The following EFNA2 variants were observed in gnomAD, a reference collection of about 807,000 sequenced individuals.
The protein encoded by EFNA2 is ephrin-A2.
A neutral mutation model predicts 19.7 loss-of-function variants in EFNA2; 18 were observed. That is an observed-to-expected ratio of 0.91 (90% CI 0.63 to 1.35). The LOEUF (loss-of-function observed/expected upper bound fraction) is 1.35, where lower values mean the gene tolerates loss of function less well. EFNA2 is among the 40% of genes most tolerant of loss of function. The probability of loss-of-function intolerance (pLI) is 0.00; values close to 1 mark genes in which losing one functional copy is unlikely to be tolerated. For synonymous variants in EFNA2, 187 were observed against 137.8 expected (o/e 1.36, Z -2.50); for missense variants, 303 against 296.0 (o/e 1.02, Z -0.17).
In EFNA2 at chr19:1,292,336, C is replaced by T. The variant is rs576647677; in HGVS notation, c.141-3209C>T. 4.6e-5 allele frequency among the ~76,000 whole-genome samples: 7 copies of T among 152,368 alleles called. No homozygotes were observed. The South Asian group carries it at 1.0e-3, about 23-fold the overall frequency. ...GGTGGGGGTTCCCCTGGGACCTGCC[C>T]TCCAACACACACACCTGTGGGCTGC... On this transcript the variant is annotated intron_variant, in intron 1 of 3. Coordinates refer to ENST00000215368, the MANE Select transcript of EFNA2 (RefSeq NM_001405.4).
intron 1 of EFNA2, among the ~76,000 whole-genome samples, chr19:1,292,933 C>T (rs920302228): frequency 6.6e-6 from 1 of 152,154 alleles, no homozygotes; most frequent in Non-Finnish European, 1.5e-5. Flanking sequence ...TGGTGTCAGA[C>T]GTGGGGGAAG....
intron 1 of EFNA2, among the ~76,000 whole-genome samples, chr19:1,292,666 C>T (rs946745907): frequency 6.6e-5 from 10 of 152,030 alleles, no homozygotes; most frequent in African/African-American, 1.9e-4. Flanking sequence ...ATGAGGAGGG[C>T]GCAGTGGATG....
rs1051354305 is a variant in EFNA2 at position 1,296,690 on chromosome 19, C to T, written c.454+832C>T. On this transcript the variant is annotated intron_variant, in intron 2 of 3. Coordinates refer to ENST00000215368, the MANE Select transcript of EFNA2 (RefSeq NM_001405.4). The surrounding 1 kb of genome is among the most constrained non-coding windows in gnomAD (Gnocchi z 4.4). ...CCCCACAGGGCCCCTGCCGCACCAG[C>T]CGCACCCAGACTGGGTAGGGGTCTC... Among the ~76,000 whole-genome samples the T allele has an allele frequency of 3.3e-5, 5 of 152,198 alleles. No homozygotes were observed. The highest frequency in any genetic ancestry group is 5.9e-5 in the Non-Finnish European group (4 of 68,040).
At chr19:1,291,206 C>A (rs1225685790) in intron 1 of EFNA2, among the ~76,000 whole-genome samples, 1 of 152,202 alleles carries the variant, frequency 6.6e-6, no homozygotes, top group Non-Finnish European at 1.5e-5. Flanking sequence ...ACCAGGGCCA[C>A]CCACGCCCAC....
At position 1,298,614 on chromosome 19, in the gene EFNA2, C is replaced by T. The variant is rs369054250; in HGVS notation, c.518C>T (p.Thr173Ile). 2 of 1,613,840 alleles carry T rather than the reference C, an allele frequency of 1.2e-6. No individual in the cohort carries two copies. The highest frequency in any genetic ancestry group is 2.2e-5 in the East Asian group (1 of 44,870). The change falls in exon 3 of 4, where the codon ACC (threonine) becomes ATC (isoleucine). Residue 173 changes from threonine (T) to isoleucine (I), a missense_variant and splice_region_variant. Physicochemically the swap from Thr to Ile is moderately conservative, Grantham distance 89. Transcript: ENST00000215368. ...CGACTGAAGGTGTACGTGCGGCCGA[C>T]CAGTAAGTGCTCAGGGGGATGGGCA... ...CLRLKVYVRP[T>I]NETLYEAPEP...
In EFNA2 at chr19:1,300,189, GTGGCCAGGCCATCTCCTC is replaced by G. The variant is rs1246266568; in HGVS notation, c.*248_*265del. 1 of 397,916 alleles carries G rather than the reference GTGGCCAGGCCATCTCCTC, an allele frequency of 2.5e-6. No homozygotes were observed. The allele number at this position is 397,916 out of a possible 1,614,324, so 24.6% of individuals were successfully genotyped here. A position where few individuals can be genotyped will look rare whatever the true frequency, so the allele number is the denominator to read the frequency against. On this transcript the variant is annotated 3_prime_UTR_variant, in exon 4 of 4. Transcript: ENST00000215368. ...AGGGGCCGGGGTGTGGATGCGGACC[GTGGCCAGGCCATCTCCTC>G]TGGGGCGTCGGAGAACCCGGGAACC...
chr19:1,294,814 C>T lies in EFNA2; in HGVS notation c.141-731C>T, dbSNP rs1418956995. On this transcript the variant is annotated intron_variant, in intron 1 of 3. Coordinates refer to ENST00000215368, the MANE Select transcript of EFNA2 (RefSeq NM_001405.4). This position sits in a 1 kb window ranked among gnomAD's most constrained non-coding sequence, Gnocchi z 5.8. ...CGAGCTGGAATGCCCGACCTGTGTC[C>T]CCCACGCTGCCCCGGTCCTTCTCAA... Among the ~76,000 whole-genome samples the T allele has an allele frequency of 6.6e-6, 1 of 151,392 alleles. No individual in the cohort carries two copies. Among genetic ancestry groups the T allele is most frequent in the African/African-American group, 2.4e-5 (1 of 41,168 alleles).
At chr19:1,299,731 G>C in intron 3 of EFNA2, 93 bp from the exon 4 acceptor site, 6 of 1,456,962 alleles carry the variant, frequency 4.1e-6, no homozygotes, top group Non-Finnish European at 9.1e-7. Context: ...TGATGAGCCC[G>C]TTGGGCAGAT....
rs1036527214 is a variant in EFNA2 at position 1,295,260 on chromosome 19, C to T, written c.141-285C>T. Among the ~76,000 whole-genome samples the T allele has an allele frequency of 1.4e-4, 22 of 152,110 alleles. No homozygotes were observed. Among genetic ancestry groups the T allele is most frequent in the African/African-American group, 4.3e-4 (18 of 41,398 alleles). On this transcript the variant is annotated intron_variant, in intron 1 of 3. Coordinates refer to ENST00000215368, the MANE Select transcript of EFNA2 (RefSeq NM_001405.4). This position sits in a 1 kb window ranked among gnomAD's most constrained non-coding sequence, Gnocchi z 5.8. The stretch of plus-strand genomic sequence containing the variant: ...GGCCTGACTTCCCCGTGCACCTGTC[C>T]CCTGACCCGTCCCTCCCCGCTCACC...
chr19:1,295,438 C>G lies in EFNA2; in HGVS notation c.141-107C>G. On this transcript the variant is annotated intron_variant, in intron 1 of 3. Coordinates refer to ENST00000215368, the MANE Select transcript of EFNA2 (RefSeq NM_001405.4). This position sits in a 1 kb window ranked among gnomAD's most constrained non-coding sequence, Gnocchi z 5.8. ...CCCCGGCCCTCGCCGCGCACCCCGA[C>G]CCGTCCCTCGTGCTCCTGTCCCCTG... 8.3e-7 allele frequency: 1 copy of G among 1,207,682 alleles called. No individual in the cohort carries two copies. Among genetic ancestry groups the G allele is most frequent in the Non-Finnish European group, 1.1e-6 (1 of 907,252 alleles). The allele number at this position is 1,207,682 out of a possible 1,614,324, so 74.8% of individuals were successfully genotyped here.
rs1012720925 is a variant in EFNA2 at position 1,294,268 on chromosome 19, G to A, written c.141-1277G>A. Among the ~76,000 whole-genome samples, 1 of 152,216 alleles carries A rather than the reference G, an allele frequency of 6.6e-6. No individual in the cohort carries two copies. Among genetic ancestry groups the A allele is most frequent in the African/African-American group, 2.4e-5 (1 of 41,450 alleles). The stretch of plus-strand genomic sequence containing the variant: ...CGCCGGTTACATGACAGGGGCCCTG[G>A]GGACCACAGCCGGGAGATCTAAGGG... On this transcript the variant is annotated intron_variant, in intron 1 of 3. Coordinates refer to ENST00000215368, the MANE Select transcript of EFNA2 (RefSeq NM_001405.4). The surrounding 1 kb of genome is among the most constrained non-coding windows in gnomAD (Gnocchi z 5.8).
At position 1,295,907 on chromosome 19, in the gene EFNA2, C is replaced by CG. The variant is rs747246910; in HGVS notation, c.454+54dup. ...GCCGGGGCCCGAGTGGGCGGGGACG[C>CG]GGGGGCGGGGCCAGGAAGTGGGCGG... is the stretch of plus-strand genomic sequence containing the variant. On this transcript the variant is annotated intron_variant, in intron 2 of 3. Coordinates refer to ENST00000215368, the MANE Select transcript of EFNA2 (RefSeq NM_001405.4). This position sits in a 1 kb window ranked among gnomAD's most constrained non-coding sequence, Gnocchi z 5.8. 34 of 422,444 alleles carry CG rather than the reference C, an allele frequency of 8.0e-5. No homozygotes were observed. Among genetic ancestry groups the CG allele is most frequent in the Middle Eastern group, 9.0e-4 (1 of 1,116 alleles). 26.2% of individuals were successfully genotyped at this position (422,444 alleles called of 1,614,324 possible).
intron 1 of EFNA2, among the ~76,000 whole-genome samples, chr19:1,290,510 C>CG (rs1452477700): frequency 6.6e-6 from 1 of 152,120 alleles, no homozygotes; most frequent in Non-Finnish European, 1.5e-5. Flanking sequence ...GTGGGTCCCT[C>CG]GGGGTCACGG....
rs2081522592 is a variant in EFNA2, at chr19:1,297,814, G to A, written c.455-737G>A. On this transcript the variant is annotated intron_variant, in intron 2 of 3. Coordinates refer to ENST00000215368, the MANE Select transcript of EFNA2 (RefSeq NM_001405.4). This position sits in a 1 kb window ranked among gnomAD's most constrained non-coding sequence, Gnocchi z 5.0. ...CCAGGCGTGGCGGTGGCTCACGCCT[G>A]TAATCCCAGCACTTTGGGAGGCCGA... 6.6e-6 allele frequency among the ~76,000 whole-genome samples: 1 copy of A among 152,114 alleles called. No individual in the cohort carries two copies. The highest frequency in any genetic ancestry group is 1.5e-5 in the Non-Finnish European group (1 of 68,026).
chr19:1,295,884 C>G lies in EFNA2; in HGVS notation c.454+26C>G, dbSNP rs201782617. 2 of 1,250,342 alleles carry G rather than the reference C, an allele frequency of 1.6e-6. No individual in the cohort carries two copies. Among genetic ancestry groups the G allele is most frequent in the Non-Finnish European group, 2.1e-6 (2 of 970,268 alleles). 77.5% of individuals were successfully genotyped at this position (1,250,342 alleles called of 1,614,324 possible). A position where few individuals can be genotyped will look rare whatever the true frequency, so the allele number is the denominator to read the frequency against. On this transcript the variant is annotated intron_variant, in intron 2 of 3. Coordinates refer to ENST00000215368, the MANE Select transcript of EFNA2 (RefSeq NM_001405.4). This position sits in a 1 kb window ranked among gnomAD's most constrained non-coding sequence, Gnocchi z 5.8. The stretch of plus-strand genomic sequence containing the variant: ...GTGAGTGGGGTCGGGCCGGGGCTGC[C>G]GGGGCCCGAGTGGGCGGGGACGCGG...
rs1352227194 is a variant in EFNA2, at chr19:1,298,620, A to G, written c.520+4A>G. 2.5e-6 allele frequency: 4 copies of G among 1,613,712 alleles called. No homozygotes were observed. The highest frequency in any genetic ancestry group is 3.4e-6 in the Non-Finnish European group (4 of 1,179,940). ...AAGGTGTACGTGCGGCCGACCAGTA[A>G]GTGCTCAGGGGGATGGGCAGGATCC... On this transcript the variant is annotated splice_donor_region_variant and intron_variant, in intron 3 of 3. Coordinates refer to ENST00000215368, the MANE Select transcript of EFNA2 (RefSeq NM_001405.4).
intron 1 of EFNA2, among the ~76,000 whole-genome samples, chr19:1,292,491 C>T (rs1025312306): frequency 1.3e-5 from 2 of 152,180 alleles, no homozygotes; most frequent in Admixed American, 1.3e-4. Flanking sequence ...CATCAGGATC[C>T]GGGATTCAGA....
chr19:1,300,926 C>T lies in EFNA2; in HGVS notation c.*981C>T, dbSNP rs1197413703. 2.0e-5 allele frequency among the ~76,000 whole-genome samples: 3 copies of T among 151,732 alleles called. No individual in the cohort carries two copies. Among genetic ancestry groups the T allele is most frequent in the Admixed American group, 6.6e-5 (1 of 15,234 alleles). On this transcript the variant is annotated 3_prime_UTR_variant, in exon 4 of 4. Coordinates refer to ENST00000215368, the MANE Select transcript of EFNA2 (RefSeq NM_001405.4). The stretch of plus-strand genomic sequence containing the variant: ...CACGTATTCCTGAGGACGGACTGGA[C>T]CGTCTATGTTTTTTCAGCCCTTCAT...
In EFNA2 at chr19:1,297,333, G is replaced by A. The variant is rs1008315125; in HGVS notation, c.455-1218G>A. ...TTCAGGGAAGAAGCGGGTGGGGGAC[G>A]GGGGAAGGTGTTTAAATTAAGTCCC... is the stretch of plus-strand genomic sequence containing the variant. On this transcript the variant is annotated intron_variant, in intron 2 of 3. Transcript: ENST00000215368. This position sits in a 1 kb window ranked among gnomAD's most constrained non-coding sequence, Gnocchi z 5.0. Among the ~76,000 whole-genome samples the A allele has an allele frequency of 1.3e-5, 2 of 152,218 alleles. No homozygotes were observed. Among genetic ancestry groups the A allele is most frequent in the Admixed American group, 6.5e-5 (1 of 15,304 alleles).
Sources: gnomAD v4.1 joint callset for allele counts (sites outside exome capture counted in the v4.1 genomes callset) on GRCh38, gnomAD v4.1.1 for gene constraint, Gnocchi (gnomAD v3.1) non-coding constraint, MANE v1.5 for transcripts, NCBI Gene and HGNC (gene_info 2026-07-23, HGNC 2026-07-21) for gene names.